Variants in GPC5 observed in about 807,000 individuals in gnomAD.
GPC5 encodes the protein glypican 5, also known as glypican-5.
In GPC5, 47 loss-of-function variants were observed where a neutral mutation model predicts 53.9. The ratio of observed to expected loss-of-function variants is 0.87; its 90% CI spans 0.69 to 1.11. GPC5 has a LOEUF of 1.11. Among genes scored for constraint, GPC5 ranks in the 50% most tolerant of loss-of-function variants. The pLI is 0.00. For synonymous variants in GPC5, 286 were observed against 263.3 expected, an observed-to-expected ratio of 1.09 and a Z score of -0.84; for missense variants, 748 against 713.1, an observed-to-expected ratio of 1.05 and a Z score of -0.56.
At chr13:92,295,095 G>A (rs533243285) in intron 7 of GPC5, among the ~76,000 whole-genome samples, 164 of 152,110 alleles carry the variant, frequency 1.1e-3, no homozygotes, top group African/African-American at 3.7e-3. Flanking sequence ...TTCCCAAAAT[G>A]CTGACATTAC....
intron 7 of GPC5, among the ~76,000 whole-genome samples, chr13:92,294,660 G>A (rs954078945): frequency 2.6e-5 from 4 of 151,624 alleles, no homozygotes; most frequent in African/African-American, 9.7e-5. Flanking sequence ...CAGCTATTTC[G>A]TTTCATTTAT....
At chr13:92,499,005 A>G (rs961795249) in intron 7 of GPC5, among the ~76,000 whole-genome samples, 2 of 152,112 alleles carry the variant, frequency 1.3e-5, no homozygotes, top group African/African-American at 2.4e-5. Context: ...GAAAGATACT[A>G]GAAACCTCTT....
chr13:92,108,312 C>A (rs2138922856), intron 6 of GPC5, among the ~76,000 whole-genome samples: 1 of 152,192 alleles, frequency 6.6e-6, no homozygotes, highest in South Asian at 2.1e-4. Flanking sequence ...TTTCTAGATA[C>A]CTCTTGTTTT....
At chr13:92,546,277 A>T (rs1882108384) in intron 7 of GPC5, among the ~76,000 whole-genome samples, 1 of 152,176 alleles carries the variant, frequency 6.6e-6, no homozygotes, top group Non-Finnish European at 1.5e-5. Context: ...CCATCGTCTC[A>T]ACCCAAGATC....
chr13:91,734,831 G>A (rs927497022), intron 4 of GPC5, among the ~76,000 whole-genome samples: 5 of 149,916 alleles, frequency 3.3e-5, no homozygotes, highest in African/African-American at 1.0e-4. Context: ...TTTTCTTATC[G>A]TTCTTAACAT....
chr13:92,774,292 G>A (rs2138753068), intron 7 of GPC5, among the ~76,000 whole-genome samples: 1 of 152,294 alleles, frequency 6.6e-6, no homozygotes, highest in African/African-American at 2.4e-5. Context: ...CCTGTTATAA[G>A]CATCTCATAC....
chr13:92,563,851 A>G (rs1444291346), intron 7 of GPC5, among the ~76,000 whole-genome samples: 1 of 152,022 alleles, frequency 6.6e-6, no homozygotes, highest in Non-Finnish European at 1.5e-5. Flanking sequence ...CTACATCCTA[A>G]ACACTTTCAT....
At chr13:92,117,560 T>C (rs1041426078) in intron 6 of GPC5, among the ~76,000 whole-genome samples, 3 of 152,186 alleles carry the variant, frequency 2.0e-5, no homozygotes, top group African/African-American at 7.2e-5. Flanking sequence ...TGGTACTTAA[T>C]TAGTGTATTT....
chr13:92,705,691 C>G (rs2139259755), intron 7 of GPC5, among the ~76,000 whole-genome samples: 1 of 152,146 alleles, frequency 6.6e-6, no homozygotes, highest in South Asian at 2.1e-4. Flanking sequence ...ATTCCTGGCT[C>G]ACAATACGTC....
At chr13:92,228,203 G>GA (rs11336127) in intron 7 of GPC5, among the ~76,000 whole-genome samples, 2 of 149,676 alleles carry the variant, frequency 1.3e-5, no homozygotes, top group Middle Eastern at 3.2e-3. Flanking sequence ...AACTTTTGTT[G>GA]AAAAAAAAAT....
rs190544061 is a variant in GPC5 at position 91,572,093 on chromosome 13, G to A, written c.326-121094G>A. Reference sequence around the variant, plus strand: ...TATACACACATATGTATATGTACATGTGTGTGTATATACACACATGTATAT... The same window carrying A: ...TATACACACATATGTATATGTACATATGTGTGTATATACACACATGTATAT... On this transcript the variant is annotated intron_variant, in intron 2 of 7. Coordinates refer to ENST00000377067, the MANE Select transcript of GPC5 (RefSeq NM_004466.6). 1.8e-4 allele frequency among the ~76,000 whole-genome samples: 22 copies of A among 122,440 alleles called. No homozygotes were observed. The South Asian group carries it at 1.9e-3, about 10-fold the overall frequency. The allele number at this position is 122,440 out of a possible 152,430, so 80.3% of individuals were successfully genotyped here. A position where few individuals can be genotyped will look rare whatever the true frequency, so the allele number is the denominator to read the frequency against.
At chr13:92,343,673 A>T (rs2043385860) in intron 7 of GPC5, among the ~76,000 whole-genome samples, 1 of 151,996 alleles carries the variant, frequency 6.6e-6, no homozygotes, top group Non-Finnish European at 1.5e-5. Context: ...ATTTTCAATA[A>T]TTTTTTCTAA....
intron 7 of GPC5, among the ~76,000 whole-genome samples, chr13:92,480,955 A>T (rs915893160): frequency 6.6e-6 from 1 of 152,224 alleles, no homozygotes; most frequent in African/African-American, 2.4e-5. Flanking sequence ...GAAGGGTATC[A>T]TGAGCCAAGG....
At chr13:91,495,715 G>C (rs1393140767) in intron 2 of GPC5, among the ~76,000 whole-genome samples, 2 of 152,180 alleles carry the variant, frequency 1.3e-5, no homozygotes, top group Non-Finnish European at 2.9e-5. Context: ...TCCAAAATAG[G>C]GAAAACAAAC....
chr13:92,839,292 TG>T (rs1160014162), intron 7 of GPC5, among the ~76,000 whole-genome samples: 2 of 152,372 alleles, frequency 1.3e-5, no homozygotes, highest in East Asian at 3.9e-4. Flanking sequence ...AATGTTTGAC[TG>T]TATTTTCTCT....
chr13:92,116,899 T>G (rs574494003), intron 6 of GPC5, among the ~76,000 whole-genome samples: 6 of 152,348 alleles, frequency 3.9e-5, no homozygotes, highest in African/African-American at 1.4e-4. Flanking sequence ...GTTGATGGTT[T>G]CTTTATTAAG....
chr13:92,431,207 A>C (rs917165620), intron 7 of GPC5, among the ~76,000 whole-genome samples: 1 of 152,198 alleles, frequency 6.6e-6, no homozygotes, highest in Non-Finnish European at 1.5e-5. Flanking sequence ...TAGATATGTA[A>C]TGATGAGCAA....
chr13:91,647,321 C>T (rs931527378), intron 2 of GPC5, among the ~76,000 whole-genome samples: 20 of 152,140 alleles, frequency 1.3e-4, no homozygotes, highest in African/African-American at 4.1e-4. Context: ...TCACATTCCA[C>T]GCTTGACCCT....
chr13:92,419,727 C>T (rs1876477753), intron 7 of GPC5, among the ~76,000 whole-genome samples: 2 of 152,158 alleles, frequency 1.3e-5, no homozygotes, highest in Non-Finnish European at 2.9e-5. Context: ...ATAAACCCTT[C>T]TTTACACCAA....
Sources: allele counts gnomAD v4.1 joint callset (sites outside exome capture counted in the v4.1 genomes callset), GRCh38; gene constraint gnomAD v4.1.1; transcripts MANE v1.5; gene names NCBI Gene and HGNC (gene_info 2026-07-23, HGNC 2026-07-21).